Variants in ADAMTSL1 observed in about 807,000 individuals in gnomAD.
The protein encoded by ADAMTSL1 is ADAMTS like 1, also known as ADAMTS-like protein 1.
A neutral mutation model predicts 201.8 loss-of-function variants in ADAMTSL1; 126 were observed. That is an observed-to-expected ratio of 0.62 (90% CI 0.54 to 0.72). The LOEUF (loss-of-function observed/expected upper bound fraction) is 0.72. Ranked by LOEUF, ADAMTSL1 falls within the 30% of genes least tolerant of loss-of-function variation. The pLI, the probability that ADAMTSL1 is intolerant of heterozygous loss-of-function variation, is 0.00. For synonymous variants in ADAMTSL1, 1,121 were observed against 903.4 expected (o/e 1.24, Z -4.32); for missense variants, 2,679 against 2,277.8 (o/e 1.18, Z -3.59).
chr9:18,267,251 C>G (rs1003190997), intron 2 of ADAMTSL1, among the ~76,000 whole-genome samples: 18 of 152,216 alleles, frequency 1.2e-4, no homozygotes, highest in African/African-American at 4.1e-4. Flanking sequence ...GCAATATAGT[C>G]AGTCATGCAA....
intron 2 of ADAMTSL1, among the ~76,000 whole-genome samples, chr9:18,267,453 T>A (rs757901344): frequency 6.6e-6 from 1 of 152,140 alleles, no homozygotes; most frequent in Non-Finnish European, 1.5e-5. Context: ...GAAACACATT[T>A]TTCTTGCCAC....
chr9:18,694,147 G>T (rs1831406801), intron 13 of ADAMTSL1, among the ~76,000 whole-genome samples: 1 of 152,060 alleles, frequency 6.6e-6, no homozygotes, highest in Non-Finnish European at 1.5e-5. Context: ...GAACAGCAAG[G>T]GAGAAATCTG....
At chr9:18,343,108 T>A (rs1199596565) in intron 2 of ADAMTSL1, among the ~76,000 whole-genome samples, 1 of 151,922 alleles carries the variant, frequency 6.6e-6, no homozygotes, top group African/African-American at 2.4e-5. Context: ...GGAGGATTGC[T>A]TGAGGCCAGG....
chr9:18,313,144 T>C (rs960713107), intron 2 of ADAMTSL1, among the ~76,000 whole-genome samples: 9 of 152,228 alleles, frequency 5.9e-5, no homozygotes. Context: ...GAACTCCTGA[T>C]TCAGTAGGTA....
At chr9:18,812,159 C>T (rs1362938698) in intron 20 of ADAMTSL1, among the ~76,000 whole-genome samples, 1 of 152,036 alleles carries the variant, frequency 6.6e-6, no homozygotes, top group Non-Finnish European at 1.5e-5. Context: ...AGTAATCAGC[C>T]AACCTAATTT....
chr9:17,983,264 T>G (rs2131471600), intron 1 of ADAMTSL1, among the ~76,000 whole-genome samples: 1 of 151,586 alleles, frequency 6.6e-6, no homozygotes, highest in South Asian at 2.1e-4. Flanking sequence ...AGGGATGGGG[T>G]TTCACCATGT....
chr9:18,697,291 C>G (rs534923947), intron 13 of ADAMTSL1, among the ~76,000 whole-genome samples: 1 of 152,034 alleles, frequency 6.6e-6, no homozygotes. Flanking sequence ...CAGACAAAAC[C>G]ATTTGCAGTG....
chr9:18,585,254 TA>T (rs1057224213), intron 4 of ADAMTSL1, among the ~76,000 whole-genome samples: 7 of 152,166 alleles, frequency 4.6e-5, no homozygotes, highest in Non-Finnish European at 8.8e-5. Flanking sequence ...TATGGCTTAA[TA>T]AAAAAACTTT....
chr9:18,838,636 G>C (rs1825491227), intron 23 of ADAMTSL1, among the ~76,000 whole-genome samples: 1 of 151,974 alleles, frequency 6.6e-6, no homozygotes, highest in Non-Finnish European at 1.5e-5. Flanking sequence ...AGACCAGCCT[G>C]GGCAACACAG....
Position 18,560,356 on chromosome 9 carries a change from G to A in ADAMTSL1, c.238-13674G>A, listed in dbSNP as rs145880028. Among the ~76,000 whole-genome samples, 997 of 152,284 alleles carry A rather than the reference G, an allele frequency of 6.5e-3. 14 individuals carry two copies. The highest frequency in any genetic ancestry group is 0.023 in the African/African-American group (961 of 41,548). The stretch of plus-strand genomic sequence containing the variant: ...ACCAGCCTTGCATCCCAGGGGTGAA[G>A]CCAACTTGTTCGTGGTGGATAAGCT... On this transcript the variant is annotated intron_variant, in intron 3 of 28. Transcript: ENST00000380548.
intron 13 of ADAMTSL1, 139 bp downstream of exon 13, chr9:18,684,939 G>C: frequency 3.6e-6 from 5 of 1,402,846 alleles, no homozygotes; most frequent in Non-Finnish European, 4.6e-6. Flanking sequence ...TCAAATTAAA[G>C]ATTGATTAGT....
chr9:18,192,461 C>T (rs537097575), intron 2 of ADAMTSL1, among the ~76,000 whole-genome samples: 10 of 152,098 alleles, frequency 6.6e-5, no homozygotes, highest in Non-Finnish European at 1.3e-4. Flanking sequence ...TTCAGAAATT[C>T]GTCCTACCAT....
At chr9:17,954,397 A>G (rs922772376) in intron 1 of ADAMTSL1, among the ~76,000 whole-genome samples, 4 of 152,230 alleles carry the variant, frequency 2.6e-5, no homozygotes, top group Admixed American at 2.6e-4. Context: ...ATTTTCAGCC[A>G]TCGTTAATCT....
intron 1 of ADAMTSL1, among the ~76,000 whole-genome samples, chr9:18,095,482 G>A (rs910848479): frequency 1.7e-4 from 25 of 145,938 alleles, no homozygotes; most frequent in Admixed American, 3.5e-4. Context: ...GAGTGCAGTG[G>A]CACGATTTTG....
chr9:18,352,328 T>C (rs1836006980), intron 2 of ADAMTSL1, among the ~76,000 whole-genome samples: 1 of 152,216 alleles, frequency 6.6e-6, no homozygotes, highest in Non-Finnish European at 1.5e-5. Flanking sequence ...GCAGATACTG[T>C]AAGATTTGGA....
At position 18,891,658 on chromosome 9, in the gene ADAMTSL1, G is replaced by C. The variant is rs1014866254; in HGVS notation, c.4644-731G>C. The stretch of plus-strand genomic sequence containing the variant: ...GTATAAGACCTATGGACTGTCACGC[G>C]GTCACGCCAAGAGATGGAACTTTAC... On this transcript the variant is annotated intron_variant, in intron 25 of 28. Coordinates refer to ENST00000380548, the MANE Select transcript of ADAMTSL1 (RefSeq NM_001040272.6). Among the ~76,000 whole-genome samples the C allele has an allele frequency of 2.0e-5, 3 of 152,278 alleles. No homozygotes were observed. In the South Asian group the frequency reaches 6.2e-4, roughly 32 times the overall value.
intron 1 of ADAMTSL1, among the ~76,000 whole-genome samples, chr9:18,022,315 G>T (rs1226653041): frequency 6.6e-6 from 1 of 152,082 alleles, no homozygotes; most frequent in East Asian, 1.9e-4. Flanking sequence ...CAGCACTCTG[G>T]CCCCAGCAGG....
At chr9:18,555,579 T>C (rs1270084198) in intron 3 of ADAMTSL1, among the ~76,000 whole-genome samples, 3 of 151,744 alleles carry the variant, frequency 2.0e-5, no homozygotes, top group Admixed American at 1.3e-4. Flanking sequence ...AGGACACAGA[T>C]AGAAAAAAAC....
chr9:18,156,704 T>C (rs188569106), intron 1 of ADAMTSL1, among the ~76,000 whole-genome samples: 61 of 151,912 alleles, frequency 4.0e-4, no homozygotes, highest in Middle Eastern at 6.8e-3. Flanking sequence ...CATTAGAAGA[T>C]GTGATAAAAA....
Sources: gnomAD v4.1 joint callset for allele counts (sites outside exome capture counted in the v4.1 genomes callset) on GRCh38, gnomAD v4.1.1 for gene constraint, MANE v1.5 for transcripts, NCBI Gene and HGNC (gene_info 2026-07-23, HGNC 2026-07-21) for gene names.